Variants in FOXN3 observed in about 807,000 individuals in gnomAD.
The protein encoded by FOXN3 is forkhead box protein N3.
A neutral mutation model predicts 38.4 loss-of-function variants in FOXN3; 7 were observed. That is an observed-to-expected ratio of 0.18 (90% confidence interval 0.10 to 0.34). The LOEUF (loss-of-function observed/expected upper bound fraction) is 0.34. Ranked by LOEUF, FOXN3 falls within the 10% of genes least tolerant of loss-of-function variation. The pLI is 1.00. For synonymous variants in FOXN3, 230 were observed against 242.2 expected (o/e 0.95, Z 0.47); for missense variants, 456 against 613.4 (o/e 0.74, Z 2.71).
intron 5 of FOXN3, among the ~76,000 whole-genome samples, chr14:89,166,158 G>A (rs1379104832): frequency 2.6e-5 from 4 of 152,138 alleles, no homozygotes; most frequent in Non-Finnish European, 5.9e-5. Context: ...GGGAGGGGGA[G>A]AAATACTCTA....
chr14:89,237,605 G>A (rs1885017634), intron 4 of FOXN3, among the ~76,000 whole-genome samples: 1 of 152,196 alleles, frequency 6.6e-6, no homozygotes, highest in Non-Finnish European at 1.5e-5. Flanking sequence ...TGCATAATGG[G>A]TACACAGGCT....
intron 3 of FOXN3, among the ~76,000 whole-genome samples, chr14:89,296,889 G>A (rs1429674173): frequency 1.3e-5 from 2 of 151,998 alleles, no homozygotes; most frequent in African/African-American, 4.8e-5. Context: ...CACCCGCCTC[G>A]GCCTCCCAAA....
intron 1 of FOXN3, among the ~76,000 whole-genome samples, chr14:89,495,070 G>A (rs1221955003): frequency 5.9e-5 from 9 of 152,128 alleles, no homozygotes; most frequent in Admixed American, 2.6e-4. Context: ...CTGGTAAGCC[G>A]CTTTAAATAT....
At chr14:89,280,741 A>T (rs1411998371) in intron 4 of FOXN3, among the ~76,000 whole-genome samples, 1 of 152,086 alleles carries the variant, frequency 6.6e-6, no homozygotes, top group African/African-American at 2.4e-5. Flanking sequence ...CTGGTTTCAG[A>T]CTCATGATTC....
chr14:89,395,854 T>C (rs1333545112), intron 2 of FOXN3, among the ~76,000 whole-genome samples: 4 of 152,018 alleles, frequency 2.6e-5, no homozygotes, highest in Non-Finnish European at 5.9e-5. Context: ...GAACCAAAGA[T>C]AATGAACATA....
intron 1 of FOXN3, among the ~76,000 whole-genome samples, chr14:89,431,549 G>C (rs1892157470): frequency 6.6e-6 from 1 of 152,096 alleles, no homozygotes; most frequent in Admixed American, 6.5e-5. Context: ...CTAGTCAAAA[G>C]CCATTCTTTT....
At chr14:89,312,507 G>C (rs1352253891) in intron 3 of FOXN3, among the ~76,000 whole-genome samples, 2 of 152,078 alleles carry the variant, frequency 1.3e-5, no homozygotes, top group African/African-American at 4.8e-5. Flanking sequence ...AATATCACAG[G>C]ACATCTAAGT....
chr14:89,389,389 AT>A (rs1184501750), intron 2 of FOXN3, among the ~76,000 whole-genome samples: 1 of 152,172 alleles, frequency 6.6e-6, no homozygotes, highest in Admixed American at 6.5e-5. Flanking sequence ...ACAGCATTTC[AT>A]GAACACCCTT....
chr14:89,522,799 A>C (rs570648751), intron 1 of FOXN3, among the ~76,000 whole-genome samples: 2 of 151,218 alleles, frequency 1.3e-5, no homozygotes, highest in Non-Finnish European at 3.0e-5. Flanking sequence ...AAGGAGGCAG[A>C]AAAAAAAAGC....
chr14:89,389,294 G>C (rs1272966008), intron 2 of FOXN3, among the ~76,000 whole-genome samples: 1 of 148,766 alleles, frequency 6.7e-6, no homozygotes, highest in Non-Finnish European at 1.5e-5. Context: ...CCCTTTTTTA[G>C]AGTACTTAAA....
intron 1 of FOXN3, among the ~76,000 whole-genome samples, chr14:89,527,479 T>G (rs1235011304): frequency 6.6e-6 from 1 of 152,188 alleles, no homozygotes; most frequent in Non-Finnish European, 1.5e-5. Context: ...ATCACACATT[T>G]GATGAAGAAC....
intron 2 of FOXN3, among the ~76,000 whole-genome samples, chr14:89,378,770 A>C (rs1222487815): frequency 6.7e-6 from 1 of 148,486 alleles, no homozygotes; most frequent in African/African-American, 2.5e-5. Context: ...TGAGTGGTGC[A>C]ACCTCAGCTC....
chr14:89,385,362 T>C (rs1311239478), intron 2 of FOXN3, among the ~76,000 whole-genome samples: 1 of 152,112 alleles, frequency 6.6e-6, no homozygotes, highest in African/African-American at 2.4e-5. Context: ...AGATGCCACA[T>C]GGCCCATCTT....
intron 1 of FOXN3, among the ~76,000 whole-genome samples, chr14:89,486,939 G>A (rs1346712263): frequency 6.6e-6 from 1 of 152,094 alleles, no homozygotes; most frequent in Admixed American, 6.5e-5. Context: ...ATTTTATTTT[G>A]CTACAACTGC....
At chr14:89,567,786 G>A (rs553990083) in intron 1 of FOXN3, among the ~76,000 whole-genome samples, 21 of 147,518 alleles carry the variant, frequency 1.4e-4, no homozygotes, top group African/African-American at 5.3e-4. Context: ...GCAGTGGCGC[G>A]ATCTCGGGTC....
intron 1 of FOXN3, among the ~76,000 whole-genome samples, chr14:89,479,123 C>T (rs1893273337): frequency 6.6e-6 from 1 of 152,000 alleles, no homozygotes; most frequent in African/African-American, 2.4e-5. Context: ...GACAGCCTCA[C>T]CCTGGCATCC....
chr14:89,513,976 A>T (rs918892332), intron 1 of FOXN3, among the ~76,000 whole-genome samples: 4 of 152,144 alleles, frequency 2.6e-5, no homozygotes, highest in African/African-American at 7.2e-5. Context: ...ACCTAGAGAA[A>T]AGTTGACAGC....
chr14:89,231,089 T>C (rs977804280), intron 4 of FOXN3, among the ~76,000 whole-genome samples: 1 of 152,182 alleles, frequency 6.6e-6, no homozygotes, highest in Non-Finnish European at 1.5e-5. Context: ...CATGCCTGCC[T>C]AATTTTTTTG....
chr14:89,365,372 A>T (rs1890109333), intron 2 of FOXN3, among the ~76,000 whole-genome samples: 1 of 152,258 alleles, frequency 6.6e-6, no homozygotes, highest in Non-Finnish European at 1.5e-5. Context: ...ACGATCAATC[A>T]TAAAATGATC....
Sources: allele counts gnomAD v4.1 joint callset (sites outside exome capture counted in the v4.1 genomes callset), GRCh38; gene constraint gnomAD v4.1.1; transcripts MANE v1.5; gene names NCBI Gene and HGNC (gene_info 2026-07-23, HGNC 2026-07-21).